Variants in HUNK observed in about 807,000 individuals in gnomAD.
The protein encoded by HUNK is hormonally up-regulated neu tumor-associated kinase.
Under a neutral mutation model 61.0 loss-of-function variants are expected in HUNK, and 21 were observed. The observed-to-expected ratio is 0.34, with a 90% CI of 0.24 to 0.50. The LOEUF is 0.50. Ranked by LOEUF, HUNK falls within the 20% of genes least tolerant of loss-of-function variation. The pLI, the probability that HUNK is intolerant of heterozygous loss-of-function variation, is 0.98. For synonymous variants in HUNK, 371 were observed against 386.1 expected (o/e 0.96, Z 0.46); for missense variants, 772 against 945.7 (o/e 0.82, Z 2.41).
At position 31,999,584 on chromosome 21, in the gene HUNK, C is replaced by G. The variant is rs984556946; in HGVS notation, c.*400C>G. 1 of 186,832 alleles carries G rather than the reference C, an allele frequency of 5.4e-6. No individual in the cohort carries two copies. Among genetic ancestry groups the G allele is most frequent in the Non-Finnish European group, 1.1e-5 (1 of 89,676 alleles). The allele number at this position is 186,832 out of a possible 1,614,324, so 11.6% of individuals were successfully genotyped here. ...CTCTCACAGCAGTTGGCCACAGTTACAGGGAGAGAACAATATCACAGTCAT... is the reference window on the plus strand; with the variant it reads ...CTCTCACAGCAGTTGGCCACAGTTAGAGGGAGAGAACAATATCACAGTCAT... On this transcript the variant is annotated 3_prime_UTR_variant, in exon 11 of 11. Transcript: ENST00000270112.
At chr21:31,928,679 G>A (rs915333952) in intron 2 of HUNK, among the ~76,000 whole-genome samples, 10 of 152,256 alleles carry the variant, frequency 6.6e-5, no homozygotes, top group African/African-American at 2.4e-4. Context: ...TTAGGTGGTT[G>A]AGACCTCACA....
intron 4 of HUNK, among the ~76,000 whole-genome samples, chr21:31,956,969 C>T (rs1366421912): frequency 6.6e-6 from 1 of 152,118 alleles, no homozygotes; most frequent in African/African-American, 2.4e-5. Context: ...TTTGTTTATG[C>T]ACTTTTTATC....
chr21:31,917,231 C>T (rs1343802457), intron 1 of HUNK, among the ~76,000 whole-genome samples: 5 of 151,942 alleles, frequency 3.3e-5, no homozygotes, highest in Admixed American at 6.6e-5. Flanking sequence ...CTCACTCTGT[C>T]GCCCAGGCTT....
At chr21:31,992,473 G>A (rs543419557) in intron 9 of HUNK, among the ~76,000 whole-genome samples, 1 of 152,336 alleles carries the variant, frequency 6.6e-6, no homozygotes, top group South Asian at 2.1e-4. Flanking sequence ...GCTTGCCTCT[G>A]GGGCCTCATG....
rs138197678 is a variant in HUNK at position 31,987,590 on chromosome 21, G to A, written c.1258-2539G>A. ...TCTGTCCTGAAGACACATGGTGAGC[G>A]TTTTAAACATTTGTTGAAATATTTA... is the stretch of plus-strand genomic sequence containing the variant. On this transcript the variant is annotated intron_variant, in intron 8 of 10. Coordinates refer to ENST00000270112, the MANE Select transcript of HUNK (RefSeq NM_014586.2). Among the ~76,000 whole-genome samples the A allele has an allele frequency of 3.9e-4, 60 of 152,336 alleles. 1 individual carries two copies. In the East Asian group the frequency reaches 0.01, roughly 26 times the overall value.
At chr21:31,927,879 T>C (rs71314154) in intron 2 of HUNK, among the ~76,000 whole-genome samples, 21,992 of 152,140 alleles carry the variant, frequency 0.14, 1,668 homozygotes, top group Middle Eastern at 0.28. Context: ...CTCACCAAGG[T>C]GAGAGCACCT....
chr21:31,899,381 G>C (rs1478847324), intron 1 of HUNK, among the ~76,000 whole-genome samples: 1 of 152,074 alleles, frequency 6.6e-6, no homozygotes, highest in Non-Finnish European at 1.5e-5. Context: ...GCCTGCTTTG[G>C]CTTGTAGATG....
At chr21:31,979,243 TGA>T (rs1161198322) in intron 7 of HUNK, among the ~76,000 whole-genome samples, 1 of 151,840 alleles carries the variant, frequency 6.6e-6, no homozygotes, top group African/African-American at 2.4e-5. Flanking sequence ...CTCAGTCTCC[TGA>T]GTAGCTGGGA....
chr21:31,897,713 C>T (rs1416678482), intron 1 of HUNK, among the ~76,000 whole-genome samples: 1 of 152,148 alleles, frequency 6.6e-6, no homozygotes, highest in Non-Finnish European at 1.5e-5. Context: ...GCAAAAAGGT[C>T]TTTGGACCCT....
intron 1 of HUNK, among the ~76,000 whole-genome samples, chr21:31,893,176 G>A (rs1343899812): frequency 6.6e-6 from 1 of 152,042 alleles, no homozygotes; most frequent in Non-Finnish European, 1.5e-5. Flanking sequence ...GGTCATGGAA[G>A]CTTCTACAGC....
In HUNK at chr21:31,999,664, G is replaced by C. The variant is rs1246979134; in HGVS notation, c.*480G>C. 6.2e-6 allele frequency: 1 copy of C among 160,468 alleles called. No homozygotes were observed. Among genetic ancestry groups the C allele is most frequent in the African/African-American group, 2.4e-5 (1 of 41,760 alleles). 9.9% of individuals were successfully genotyped at this position (160,468 alleles called of 1,614,324 possible). On this transcript the variant is annotated 3_prime_UTR_variant, in exon 11 of 11. Coordinates refer to ENST00000270112, the MANE Select transcript of HUNK (RefSeq NM_014586.2). ...GTAGCAGCCCTGCCTTTCATAGCAGGGATTACCTGAAGGCCAGCAGGAGCC... is the reference window on the plus strand; with the variant it reads ...GTAGCAGCCCTGCCTTTCATAGCAGCGATTACCTGAAGGCCAGCAGGAGCC...
chr21:31,940,874 C>A (rs2052764365), intron 3 of HUNK, among the ~76,000 whole-genome samples: 2 of 152,150 alleles, frequency 1.3e-5, no homozygotes, highest in African/African-American at 4.8e-5. Context: ...TTAGATGGCA[C>A]CATCTTTTAT....
At chr21:31,979,241 C>CCT (rs2053074236) in intron 7 of HUNK, among the ~76,000 whole-genome samples, 1 of 151,796 alleles carries the variant, frequency 6.6e-6, no homozygotes, top group African/African-American at 2.4e-5. Flanking sequence ...GCCTCAGTCT[C>CCT]CTGAGTAGCT....
intron 4 of HUNK, among the ~76,000 whole-genome samples, chr21:31,949,600 C>A (rs2052835082): frequency 6.6e-6 from 1 of 152,174 alleles, no homozygotes; most frequent in Non-Finnish European, 1.5e-5. Context: ...CACACGCACA[C>A]AAAAGCACAA....
chr21:31,917,586 A>G (rs59182072), intron 1 of HUNK, among the ~76,000 whole-genome samples: 10,549 of 151,962 alleles, frequency 0.069, 449 homozygotes, highest in South Asian at 0.17. Context: ...TGCAACTTGG[A>G]TCTGTTGATG....
At chr21:31,921,404 G>T (rs1167613511) in intron 1 of HUNK, among the ~76,000 whole-genome samples, 1 of 151,022 alleles carries the variant, frequency 6.6e-6, no homozygotes, top group Non-Finnish European at 1.5e-5. Context: ...AGTCTCTCTG[G>T]TAGGGAGGTT....
chr21:31,910,687 C>T (rs566994961), intron 1 of HUNK, among the ~76,000 whole-genome samples: 82 of 152,128 alleles, frequency 5.4e-4, no homozygotes, highest in Non-Finnish European at 1.0e-3. Flanking sequence ...CGGGGTTTTG[C>T]CATGTTAGCC....
chr21:31,885,187 C>T lies in HUNK; in HGVS notation c.261+11252C>T, dbSNP rs902927529. On this transcript the variant is annotated intron_variant, in intron 1 of 10. Coordinates refer to ENST00000270112, the MANE Select transcript of HUNK (RefSeq NM_014586.2). ...GAGAAGAAAGAGAAAGGGGGAATATCGAGGGAAATGAAAACCTTTCAAGGA... is the reference window on the plus strand; with the variant it reads ...GAGAAGAAAGAGAAAGGGGGAATATTGAGGGAAATGAAAACCTTTCAAGGA... 5.3e-5 allele frequency among the ~76,000 whole-genome samples: 8 copies of T among 152,248 alleles called. No homozygotes were observed. In the East Asian group the frequency reaches 7.7e-4, roughly 15 times the overall value.
intron 3 of HUNK, among the ~76,000 whole-genome samples, chr21:31,944,270 G>T (rs1229920022): frequency 6.6e-6 from 1 of 152,324 alleles, no homozygotes; most frequent in East Asian, 1.9e-4. Context: ...GTAGAGACAG[G>T]GTTTCGCCAT....
Sources: allele counts gnomAD v4.1 joint callset (sites outside exome capture counted in the v4.1 genomes callset), GRCh38; gene constraint gnomAD v4.1.1; transcripts MANE v1.5; gene names NCBI Gene and HGNC (gene_info 2026-07-23, HGNC 2026-07-21).